PIGB: variants seen among roughly 807,000 people sequenced by gnomAD.
PIGB encodes the protein GPI alpha-1,2-mannosyltransferase 3.
In PIGB, 58 loss-of-function variants were observed where a neutral mutation model predicts 68.4. The observed-to-expected ratio is 0.85, with a 90% CI of 0.69 to 1.06. The LOEUF (loss-of-function observed/expected upper bound fraction) is 1.06. Ranked by LOEUF, PIGB falls within the 50% of genes least tolerant of loss-of-function variation. The pLI, the probability that PIGB is intolerant of heterozygous loss-of-function variation, is 0.00. For missense variants in PIGB, 634 were observed against 655.8 expected (o/e 0.97, Z 0.36); for synonymous variants, 219 against 220.5 (o/e 0.99, Z 0.06).
chr15:55,321,582 T>C (rs1232939781), intron 3 of PIGB, among the ~76,000 whole-genome samples, 192 bp downstream of exon 3: 1 of 151,784 alleles, frequency 6.6e-6, no homozygotes, highest in East Asian at 1.9e-4. Context: ...AATCCTGTTA[T>C]GATGTGCAGA....
At chr15:55,347,555 G>A (rs752451065) in intron 9 of PIGB, among the ~76,000 whole-genome samples, 2 of 152,158 alleles carry the variant, frequency 1.3e-5, no homozygotes, top group Non-Finnish European at 2.9e-5. Context: ...AAGGCTCCCA[G>A]AATATTACAC....
chr15:55,334,718 C>CTA (rs761162002), intron 6 of PIGB, among the ~76,000 whole-genome samples: 1 of 151,986 alleles, frequency 6.6e-6, no homozygotes, highest in Non-Finnish European at 1.5e-5. Context: ...CTCTGTTTGG[C>CTA]TATATATATT....
intron 3 of PIGB, among the ~76,000 whole-genome samples, chr15:55,323,336 T>C (rs1355180309): frequency 6.6e-6 from 1 of 152,200 alleles, no homozygotes; most frequent in African/African-American, 2.4e-5. Context: ...ATAAGGCTTA[T>C]GCACAGCTAG....
chr15:55,329,158 C>G lies in PIGB; in HGVS notation c.523-566C>G, dbSNP rs570512211. ...ATGGTGCTCTGTGTGCATGTTCTTC[C>G]AAAAACTGATTCATTAATTTAGTCA... On this transcript the variant is annotated intron_variant, in intron 4 of 11. Transcript: ENST00000164305. Among the ~76,000 whole-genome samples the G allele has an allele frequency of 3.8e-4, 57 of 151,358 alleles. 2 individuals are homozygous for G. The South Asian group carries it at 0.011, about 30-fold the overall frequency.
Position 55,339,116 on chromosome 15 carries a change from C to G in PIGB, c.795-151C>G, listed in dbSNP as rs376734250. Reference sequence around the variant, plus strand: ...TCTACTGATCTTTTTCAGTAGATACCTTTCAAAATGTGTAAATCTATATTC... The same window carrying G: ...TCTACTGATCTTTTTCAGTAGATACGTTTCAAAATGTGTAAATCTATATTC... On this transcript the variant is annotated intron_variant, in intron 6 of 11. Transcript: ENST00000164305. 2.8e-4 allele frequency: 178 copies of G among 626,344 alleles called. 3 individuals carry two copies. The African/African-American group carries it at 2.9e-3, about 10-fold the overall frequency. The allele number at this position is 626,344 out of a possible 1,614,324, so 38.8% of individuals were successfully genotyped here.
At chr15:55,343,697 T>TA (rs2055725054) in intron 9 of PIGB, 1 of 152,166 alleles carries the variant, frequency 6.6e-6, no homozygotes, top group Non-Finnish European at 1.5e-5. Flanking sequence ...TTCTAATAGG[T>TA]AAGAATCACC....
intron 10 of PIGB, among the ~76,000 whole-genome samples, chr15:55,353,037 C>T (rs1004760329): frequency 1.3e-5 from 2 of 152,114 alleles, no homozygotes; most frequent in African/African-American, 4.8e-5. Flanking sequence ...GTATATGTGG[C>T]TGAAAAAGGG....
At chr15:55,326,875 T>G (rs2055300637) in intron 3 of PIGB, among the ~76,000 whole-genome samples, 1 of 151,950 alleles carries the variant, frequency 6.6e-6, no homozygotes, top group Admixed American at 6.6e-5. Context: ...CACAATTAAA[T>G]GACTGGCTAT....
intron 11 of PIGB, 75 bp downstream of exon 11, chr15:55,355,053 G>T: frequency 1.6e-6 from 2 of 1,232,344 alleles, no homozygotes; most frequent in Non-Finnish European, 2.3e-6. Flanking sequence ...CAGGTAAATA[G>T]ATAATATAAC....
At chr15:55,343,771 G>A (rs2055726908) in intron 9 of PIGB, among the ~76,000 whole-genome samples, 1 of 152,124 alleles carries the variant, frequency 6.6e-6, no homozygotes, top group Admixed American at 6.5e-5. Flanking sequence ...AAAACCCCTT[G>A]ATCTCCTCAC....
intron 5 of PIGB, 130 bp downstream of exon 5, chr15:55,329,984 ATATAT>A (rs2055377673): frequency 6.7e-6 from 4 of 596,714 alleles, no homozygotes; most frequent in Middle Eastern, 4.3e-4. Context: ...TTTTCAGTTG[ATATAT>A]TATAGCAGAA....
chr15:55,329,164 C>T lies in PIGB; in HGVS notation c.523-560C>T, dbSNP rs193005860. On this transcript the variant is annotated intron_variant, in intron 4 of 11. Coordinates refer to ENST00000164305, the MANE Select transcript of PIGB (RefSeq NM_004855.5). ...CTCTGTGTGCATGTTCTTCCAAAAA[C>T]TGATTCATTAATTTAGTCAATCTCC... Among the ~76,000 whole-genome samples, 162 of 151,368 alleles carry T rather than the reference C, an allele frequency of 1.1e-3. 2 individuals carry two copies. Among genetic ancestry groups the T allele is most frequent in the African/African-American group, 3.7e-3 (154 of 41,512 alleles).
At chr15:55,352,214 G>A (rs992714986) in intron 10 of PIGB, among the ~76,000 whole-genome samples, 10 of 152,002 alleles carry the variant, frequency 6.6e-5, no homozygotes, top group African/African-American at 4.8e-5. Context: ...TCCCCAAAGC[G>A]CTGGGATTAC....
At chr15:55,342,483 C>G (rs2055693014) in intron 9 of PIGB, among the ~76,000 whole-genome samples, 1 of 152,156 alleles carries the variant, frequency 6.6e-6, no homozygotes, top group Non-Finnish European at 1.5e-5. Flanking sequence ...CTCCACCTCC[C>G]TGTGTTCAAG....
At chr15:55,346,885 C>G (rs2055806749) in intron 9 of PIGB, 1 of 152,192 alleles carries the variant, frequency 6.6e-6, no homozygotes, top group African/African-American at 2.4e-5. Context: ...TTCACTCAGT[C>G]TAGCATTGGA....
intron 3 of PIGB, among the ~76,000 whole-genome samples, chr15:55,322,127 T>G (rs1048226648): frequency 6.6e-6 from 1 of 151,696 alleles, no homozygotes; most frequent in African/African-American, 2.4e-5. Context: ...TGAGCCGAGA[T>G]CACGCCATTG....
intron 10 of PIGB, among the ~76,000 whole-genome samples, chr15:55,351,233 G>A (rs1305977980): frequency 6.7e-6 from 1 of 149,376 alleles, no homozygotes; most frequent in Non-Finnish European, 1.5e-5. Flanking sequence ...TCAGCCTCCC[G>A]AGTAGCTGGG....
intron 7 of PIGB, among the ~76,000 whole-genome samples, chr15:55,339,785 T>G (rs1031644700): frequency 6.6e-6 from 1 of 152,202 alleles, no homozygotes; most frequent in Non-Finnish European, 1.5e-5. Context: ...ATATCATATG[T>G]TCTTACTTAT....
chr15:55,328,334 C>T (rs1447175733), intron 4 of PIGB, among the ~76,000 whole-genome samples: 2 of 151,984 alleles, frequency 1.3e-5, no homozygotes, highest in African/African-American at 4.8e-5. Context: ...TCACTTGGCT[C>T]TTTGTAAAGT....
Sources: gnomAD v4.1 joint callset for allele counts (sites outside exome capture counted in the v4.1 genomes callset) on GRCh38, gnomAD v4.1.1 for gene constraint, MANE v1.5 for transcripts, NCBI Gene and HGNC (gene_info 2026-07-23, HGNC 2026-07-21) for gene names.